The following IL20RA variants were observed in gnomAD, a reference collection of about 807,000 sequenced individuals.
IL20RA encodes interleukin-20 receptor subunit alpha.
IL20RA carries 29 observed loss-of-function variants against 36.5 expected under a neutral mutation model. The ratio of observed to expected loss-of-function variants is 0.79; its 90% CI spans 0.59 to 1.08. The LOEUF (loss-of-function observed/expected upper bound fraction) is 1.08. IL20RA is among the 50% of genes least tolerant of loss of function. The pLI, the probability that IL20RA is intolerant of heterozygous loss-of-function variation, is 0.00. For missense variants in IL20RA, 652 were observed against 668.4 expected (o/e 0.98, Z 0.27); for synonymous variants, 279 against 267.1 (o/e 1.04, Z -0.43).
chr6:137,007,166 T>C (rs901733737), intron 5 of IL20RA, among the ~76,000 whole-genome samples: 2 of 152,234 alleles, frequency 1.3e-5, no homozygotes, highest in Admixed American at 6.5e-5. Context: ...CTGATCAAGG[T>C]GTTAGTAAAG....
chr6:137,021,002 C>G (rs142752556), intron 1 of IL20RA, among the ~76,000 whole-genome samples: 2 of 151,906 alleles, frequency 1.3e-5, no homozygotes, highest in African/African-American at 2.4e-5. Context: ...CTCTCCAGGA[C>G]ACAAAATATT....
intron 2 of IL20RA, among the ~76,000 whole-genome samples, chr6:137,014,707 C>G (rs533778415): frequency 3.9e-5 from 6 of 152,216 alleles, no homozygotes; most frequent in Non-Finnish European, 8.8e-5. Flanking sequence ...AGTTCCCCCC[C>G]CCTTTTCCAC....
intron 1 of IL20RA, among the ~76,000 whole-genome samples, chr6:137,029,267 G>A (rs1352185731): frequency 6.6e-6 from 1 of 152,032 alleles, no homozygotes; most frequent in Non-Finnish European, 1.5e-5. Context: ...CAGCGCTTTG[G>A]GAGGCCAAGG....
intron 1 of IL20RA, among the ~76,000 whole-genome samples, chr6:137,018,474 T>C (rs1010810959): frequency 1.3e-5 from 2 of 151,530 alleles, no homozygotes; most frequent in African/African-American, 2.4e-5. Context: ...TTTTAAAAAA[T>C]GTTACAGAGA....
rs781225697 is a variant in IL20RA at position 137,001,026 on chromosome 6, C to T, written c.*532G>A. ...TGATGTATTCACTCAAAATATGAAT[C>T]ATGATGATTAAATAGTTGAGGTTTT... On this transcript the variant is annotated 3_prime_UTR_variant, in exon 7 of 7. Transcript: ENST00000316649. 1 of 152,408 alleles carries T rather than the reference C, an allele frequency of 6.6e-6. No homozygotes were observed. The highest frequency in any genetic ancestry group is 1.5e-5 in the Non-Finnish European group (1 of 68,230). 9.4% of individuals were successfully genotyped at this position (152,408 alleles called of 1,614,324 possible).
intron 1 of IL20RA, among the ~76,000 whole-genome samples, chr6:137,038,432 A>G (rs1054347873): frequency 5.3e-5 from 8 of 151,796 alleles, no homozygotes; most frequent in Middle Eastern, 3.4e-3. Context: ...CCTGGCCTCA[A>G]GTGACCCTTC....
intron 1 of IL20RA, among the ~76,000 whole-genome samples, chr6:137,032,901 A>G (rs938362277): frequency 3.9e-5 from 6 of 152,246 alleles, no homozygotes; most frequent in Non-Finnish European, 8.8e-5. Flanking sequence ...CAGGACTTGC[A>G]GAAGACTGGC....
intron 1 of IL20RA, among the ~76,000 whole-genome samples, chr6:137,025,676 G>T (rs1212908497): frequency 6.6e-6 from 1 of 152,212 alleles, no homozygotes; most frequent in Non-Finnish European, 1.5e-5. Context: ...AAATGCAGCT[G>T]CTACATTTGT....
chr6:137,032,080 A>T (rs1776313205), intron 1 of IL20RA, among the ~76,000 whole-genome samples: 1 of 152,014 alleles, frequency 6.6e-6, no homozygotes, highest in Admixed American at 6.6e-5. Context: ...AAGAAAAGAA[A>T]AAAAAGAAAA....
chr6:137,043,732 G>A (rs950546151), intron 1 of IL20RA, among the ~76,000 whole-genome samples: 2 of 152,084 alleles, frequency 1.3e-5, no homozygotes, highest in African/African-American at 4.8e-5. Flanking sequence ...AAGACAGCGG[G>A]GCCTGAACGA....
At chr6:137,038,975 T>A (rs1353360626) in intron 1 of IL20RA, among the ~76,000 whole-genome samples, 1 of 152,224 alleles carries the variant, frequency 6.6e-6, no homozygotes, top group African/African-American at 2.4e-5. Context: ...TATGTTGAAA[T>A]GTTTATACTA....
chr6:137,006,117 C>T (rs1261308682), intron 5 of IL20RA, among the ~76,000 whole-genome samples: 1 of 152,202 alleles, frequency 6.6e-6, no homozygotes, highest in Non-Finnish European at 1.5e-5. Context: ...CCGGAGCATT[C>T]TAATCCAGGA....
intron 1 of IL20RA, among the ~76,000 whole-genome samples, chr6:137,036,349 A>G (rs1260007354): frequency 2.6e-5 from 4 of 152,206 alleles, no homozygotes; most frequent in Admixed American, 6.5e-5. Flanking sequence ...CCCAAAAGAA[A>G]TATGTTGACA....
intron 5 of IL20RA, among the ~76,000 whole-genome samples, chr6:137,006,681 T>C (rs1162392298): frequency 6.6e-6 from 1 of 152,010 alleles, no homozygotes; most frequent in Non-Finnish European, 1.5e-5. Flanking sequence ...ATAGCACGGG[T>C]TCAGAACCAG....
rs781357910 is a variant in IL20RA, at chr6:137,004,606, ACACCAAGTACT to A, written c.864+4_864+14del. ...TACTATTATAATAAAGAACCCTGCCACACCAAGTACTCACCAAATTTGCTGGGTGTTTCTCT... is the reference window on the plus strand; with the variant it reads ...TACTATTATAATAAAGAACCCTGCCACACCAAATTTGCTGGGTGTTTCTCT... On this transcript the variant is annotated splice_donor_5th_base_variant and intron_variant, in intron 6 of 6. Transcript: ENST00000316649. 6.2e-7 allele frequency: 1 copy of A among 1,612,862 alleles called. No homozygotes were observed. The highest frequency in any genetic ancestry group is 8.5e-7 in the Non-Finnish European group (1 of 1,179,132).
Position 137,016,952 on chromosome 6 carries a change from A to T in IL20RA, c.224+16T>A, listed in dbSNP as rs975220018. 4.3e-6 allele frequency: 7 copies of T among 1,611,580 alleles called. No individual in the cohort carries two copies. The highest frequency in any genetic ancestry group is 5.9e-6 in the Non-Finnish European group (7 of 1,178,522). On this transcript the variant is annotated intron_variant, in intron 2 of 6. Transcript: ENST00000316649. ...TTGTGTTTGTAAGCTAGCCAAAAGG[A>T]AAAGAAGAAACTTACATGAAATACT...
chr6:137,023,909 C>G (rs929066637), intron 1 of IL20RA, among the ~76,000 whole-genome samples: 2 of 152,124 alleles, frequency 1.3e-5, no homozygotes, highest in African/African-American at 2.4e-5. Context: ...GCCTGGCCAA[C>G]ATGGTGAAAC....
intron 2 of IL20RA, among the ~76,000 whole-genome samples, chr6:137,015,607 T>A (rs1029575011): frequency 6.6e-6 from 1 of 152,176 alleles, no homozygotes; most frequent in African/African-American, 2.4e-5. Flanking sequence ...CAAATGGATA[T>A]AAGAATAGGG....
At chr6:137,022,382 T>C (rs1245097639) in intron 1 of IL20RA, among the ~76,000 whole-genome samples, 2 of 152,244 alleles carry the variant, frequency 1.3e-5, no homozygotes, top group African/African-American at 2.4e-5. Flanking sequence ...GGTTTATGTT[T>C]AGTTGCCGAG....
Sources: allele counts gnomAD v4.1 joint callset (sites outside exome capture counted in the v4.1 genomes callset), GRCh38; gene constraint gnomAD v4.1.1; transcripts MANE v1.5; gene names NCBI Gene and HGNC (gene_info 2026-07-23, HGNC 2026-07-21).